RRAGD: variants seen among roughly 807,000 people sequenced by gnomAD.
RRAGD encodes the protein ras-related GTP-binding protein D.
In RRAGD, 12 loss-of-function variants were observed where a neutral mutation model predicts 35.5. The ratio of observed to expected loss-of-function variants is 0.34; its 90% CI spans 0.22 to 0.55. The LOEUF (loss-of-function observed/expected upper bound fraction) is 0.55. RRAGD is among the 20% of genes least tolerant of loss of function. RRAGD has a pLI of 0.91. For missense variants in RRAGD, 324 were observed against 490.1 expected, an observed-to-expected ratio of 0.66 and a Z score of 3.20; for synonymous variants, 155 against 178.9, an observed-to-expected ratio of 0.87 and a Z score of 1.07.
Position 89,388,440 on chromosome 6 carries a change from T to G in RRAGD, c.149-850A>C, listed in dbSNP as rs188600136. 4.7e-3 allele frequency among the ~76,000 whole-genome samples: 708 copies of G among 152,204 alleles called. 9 individuals carry two copies. Among genetic ancestry groups the G allele is most frequent in the African/African-American group, 0.016 (648 of 41,538 alleles). On this transcript the variant is annotated intron_variant, in intron 1 of 6. Coordinates refer to ENST00000369415, the MANE Select transcript of RRAGD (RefSeq NM_021244.5). ...TGGTGAGGGGCGCATAACAGTCACA[T>G]TGTTATGTGGCCCTCACCGCCAAAA... is the stretch of plus-strand genomic sequence containing the variant.
At position 89,374,652 on chromosome 6, in the gene RRAGD, C is replaced by A. The variant is rs567860262; in HGVS notation, c.903-2067G>T. 3.9e-5 allele frequency among the ~76,000 whole-genome samples: 6 copies of A among 152,154 alleles called. No individual in the cohort carries two copies. The East Asian group carries it at 7.7e-4, about 20-fold the overall frequency. ...GGCTGAGGGAGGAGAATCACTTGAA[C>A]CCGGGAGGCGGGGGTTGCAGTGAGC... On this transcript the variant is annotated intron_variant, in intron 5 of 6. Coordinates refer to ENST00000369415, the MANE Select transcript of RRAGD (RefSeq NM_021244.5).
intron 5 of RRAGD, among the ~76,000 whole-genome samples, 181 bp from the exon 6 acceptor site, chr6:89,372,766 C>T (rs965090177): frequency 6.6e-6 from 1 of 152,252 alleles, no homozygotes; most frequent in African/African-American, 2.4e-5. Context: ...CAGTCCTCAA[C>T]AGTCATTTCC....
chr6:89,374,349 T>G (rs1768899089), intron 5 of RRAGD, among the ~76,000 whole-genome samples: 1 of 152,216 alleles, frequency 6.6e-6, no homozygotes, highest in Non-Finnish European at 1.5e-5. Flanking sequence ...CCAGATTTAA[T>G]GAAAAGCCTG....
intron 6 of RRAGD, among the ~76,000 whole-genome samples, chr6:89,370,872 A>G (rs760952556): frequency 1.2e-4 from 19 of 152,244 alleles, no homozygotes; most frequent in Non-Finnish European, 2.5e-4. Context: ...TGTTAAGAGT[A>G]GTTATCTGAA....
intron 1 of RRAGD, among the ~76,000 whole-genome samples, chr6:89,395,624 T>A (rs1267737815): frequency 6.6e-6 from 1 of 152,234 alleles, no homozygotes; most frequent in African/African-American, 2.4e-5. Context: ...AATTGTGATT[T>A]CAACTCCACA....
At chr6:89,400,384 T>C (rs1269389919) in intron 1 of RRAGD, among the ~76,000 whole-genome samples, 1 of 152,166 alleles carries the variant, frequency 6.6e-6, no homozygotes, top group Non-Finnish European at 1.5e-5. Context: ...AAATGTTTTT[T>C]ACTGTGGGCC....
At position 89,365,916 on chromosome 6, in the gene RRAGD, TA is replaced by T. The variant is rs1768734068; in HGVS notation, c.*2139del. The T allele has an allele frequency of 6.6e-6, 1 of 152,164 alleles. No homozygotes were observed. Among genetic ancestry groups the T allele is most frequent in the South Asian group, 2.1e-4 (1 of 4,832 alleles). The allele number at this position is 152,164 out of a possible 1,614,324, so 9.4% of individuals were successfully genotyped here. On this transcript the variant is annotated 3_prime_UTR_variant, in exon 7 of 7. Coordinates refer to ENST00000369415, the MANE Select transcript of RRAGD (RefSeq NM_021244.5). Reference sequence around the variant, plus strand: ...TGCTTATTCAAAGTGAAACAACATGTAAAAAATATTAGAGAATTAGATTTAT... The same window carrying T: ...TGCTTATTCAAAGTGAAACAACATGTAAAAATATTAGAGAATTAGATTTAT...
intron 2 of RRAGD, among the ~76,000 whole-genome samples, chr6:89,380,724 G>A (rs370614005): frequency 7.2e-5 from 11 of 151,934 alleles, no homozygotes; most frequent in African/African-American, 1.9e-4. Context: ...TGGCTAACAC[G>A]GTGAAACCCC....
chr6:89,407,901 C>T (rs898971160), intron 1 of RRAGD, among the ~76,000 whole-genome samples: 1 of 151,804 alleles, frequency 6.6e-6, no homozygotes, highest in African/African-American at 2.4e-5. Flanking sequence ...TGGAAGAGAT[C>T]GCTAATAAAA....
chr6:89,392,433 T>C (rs1239246918), intron 1 of RRAGD, among the ~76,000 whole-genome samples: 1 of 151,152 alleles, frequency 6.6e-6, no homozygotes, highest in Admixed American at 6.6e-5. Context: ...TGAGCTTTGA[T>C]TGCACTACTG....
intron 6 of RRAGD, 105 bp downstream of exon 6, chr6:89,372,332 G>C (rs1025802363): frequency 9.4e-5 from 119 of 1,261,748 alleles, no homozygotes; most frequent in Non-Finnish European, 1.2e-4. Flanking sequence ...GCATCTGGAA[G>C]TTTCGAGGGC....
intron 1 of RRAGD, among the ~76,000 whole-genome samples, chr6:89,408,220 C>T (rs578093780): frequency 1.1e-4 from 17 of 152,030 alleles, no homozygotes; most frequent in African/African-American, 3.6e-4. Context: ...CTAAATACTT[C>T]GCTCATTTCT....
chr6:89,384,612 C>G (rs1246033272), intron 2 of RRAGD, among the ~76,000 whole-genome samples: 1 of 152,014 alleles, frequency 6.6e-6, no homozygotes, highest in Non-Finnish European at 1.5e-5. Context: ...GTCAAGAGAT[C>G]GAGACCATCC....
Position 89,411,584 on chromosome 6 carries a change from G to A in RRAGD, c.148+262C>T. The stretch of plus-strand genomic sequence containing the variant: ...CCGGCTCTGAAAGGGGCAGAAGCGC[G>A]CGCTCCTCCAGCCCAGACGCTTACT... On this transcript the variant is annotated intron_variant, in intron 1 of 6. Coordinates refer to ENST00000369415, the MANE Select transcript of RRAGD (RefSeq NM_021244.5). This position sits in a 1 kb window ranked among gnomAD's most constrained non-coding sequence, Gnocchi z 5.6. The A allele has an allele frequency of 3.9e-6, 2 of 508,276 alleles. No homozygotes were observed. Among genetic ancestry groups the A allele is most frequent in the South Asian group, 4.5e-5 (2 of 44,362 alleles). The allele number at this position is 508,276 out of a possible 1,614,324, so 31.5% of individuals were successfully genotyped here.
At chr6:89,397,114 A>C (rs1287059814) in intron 1 of RRAGD, among the ~76,000 whole-genome samples, 1 of 152,176 alleles carries the variant, frequency 6.6e-6, no homozygotes, top group Non-Finnish European at 1.5e-5. Flanking sequence ...TGGAAGGTAA[A>C]AAAGCACAGG....
intron 1 of RRAGD, among the ~76,000 whole-genome samples, chr6:89,394,445 A>C (rs1429703757): frequency 6.6e-6 from 1 of 152,214 alleles, no homozygotes; most frequent in Non-Finnish European, 1.5e-5. Flanking sequence ...AAAAGGAAAA[A>C]AAATCTGTGA....
At chr6:89,372,369 A>G in intron 6 of RRAGD, 68 bp downstream of exon 6, 2 of 1,499,806 alleles carry the variant, frequency 1.3e-6, no homozygotes, top group South Asian at 2.5e-5. Context: ...CACATTCAAC[A>G]AACAATACAT....
At chr6:89,392,021 A>G (rs936262791) in intron 1 of RRAGD, among the ~76,000 whole-genome samples, 5 of 152,004 alleles carry the variant, frequency 3.3e-5, no homozygotes, top group African/African-American at 7.2e-5. Context: ...CTTTGTGAAT[A>G]TACTAAAATC....
At chr6:89,409,872 G>A (rs562792955) in intron 1 of RRAGD, among the ~76,000 whole-genome samples, 4 of 152,194 alleles carry the variant, frequency 2.6e-5, no homozygotes, top group Non-Finnish European at 5.9e-5. Flanking sequence ...CAGAGACCAG[G>A]CTTAAGCAAC....
Sources: allele counts gnomAD v4.1 joint callset (sites outside exome capture counted in the v4.1 genomes callset), GRCh38; gene constraint gnomAD v4.1.1; non-coding constraint Gnocchi (gnomAD v3.1); transcripts MANE v1.5; gene names NCBI Gene and HGNC (gene_info 2026-07-23, HGNC 2026-07-21).